The following PPFIBP2 variants were observed in gnomAD, a reference collection of about 807,000 sequenced individuals.
PPFIBP2 encodes the protein liprin-beta-2.
PPFIBP2 carries 118 observed loss-of-function variants against 118.3 expected under a neutral mutation model. The observed-to-expected ratio is 1.00, with a 90% CI of 0.86 to 1.16. The LOEUF is 1.16. PPFIBP2 is among the 50% of genes most tolerant of loss of function. PPFIBP2 has a pLI of 0.00. For synonymous variants in PPFIBP2, 414 were observed against 397.4 expected (o/e 1.04, Z -0.50); for missense variants, 1,195 against 1,073.1 (o/e 1.11, Z -1.59).
intron 2 of PPFIBP2, among the ~76,000 whole-genome samples, chr11:7,558,420 G>T (rs61890215): frequency 6.6e-6 from 1 of 152,170 alleles, no homozygotes; most frequent in African/African-American, 2.4e-5. Context: ...AACAACCCCA[G>T]TCACTACCAC....
chr11:7,655,453 C>T (rs985367268), downstream of PPFIBP2: 20 of 1,289,638 alleles, frequency 1.6e-5, no homozygotes, highest in African/African-American at 2.0e-4. Context: ...CGGAAGGTAC[C>T]GTGACGCAGA....
At chr11:7,615,583 C>G (rs1471501423) in intron 6 of PPFIBP2, among the ~76,000 whole-genome samples, 1 of 152,172 alleles carries the variant, frequency 6.6e-6, no homozygotes, top group Non-Finnish European at 1.5e-5. Flanking sequence ...TTGTTAGCTC[C>G]TAAATATCTC....
At chr11:7,521,180 A>G (rs550841424) in intron 1 of PPFIBP2, among the ~76,000 whole-genome samples, 116 of 152,246 alleles carry the variant, frequency 7.6e-4, no homozygotes, top group African/African-American at 2.6e-3. Flanking sequence ...ATATGTACAC[A>G]TTTATGCACA....
intron 17 of PPFIBP2, among the ~76,000 whole-genome samples, chr11:7,643,442 T>G (rs1852511763): frequency 6.6e-6 from 1 of 152,180 alleles, no homozygotes. Context: ...CTTTAGGGTA[T>G]GGGGTGACCA....
intron 2 of PPFIBP2, among the ~76,000 whole-genome samples, chr11:7,551,719 T>C (rs536878589): frequency 6.6e-6 from 1 of 152,378 alleles, no homozygotes; most frequent in African/African-American, 2.4e-5. Context: ...TTTTGAGAGA[T>C]GAATCAGACT....
chr11:7,604,600 A>AC (rs1346644853), intron 5 of PPFIBP2, among the ~76,000 whole-genome samples: 1 of 150,716 alleles, frequency 6.6e-6, no homozygotes, highest in East Asian at 1.9e-4. Flanking sequence ...ACACACACAC[A>AC]CCCCCACACC....
chr11:7,578,669 C>T (rs1415603374), intron 3 of PPFIBP2, among the ~76,000 whole-genome samples: 2 of 152,082 alleles, frequency 1.3e-5, no homozygotes, highest in Non-Finnish European at 2.9e-5. Context: ...AATAAGTGTG[C>T]CTGGAGGAAG....
At chr11:7,523,642 G>A (rs925303833) in intron 1 of PPFIBP2, among the ~76,000 whole-genome samples, 2 of 152,216 alleles carry the variant, frequency 1.3e-5, no homozygotes, top group African/African-American at 4.8e-5. Flanking sequence ...TTCTTAGGAA[G>A]TAGGTGGGTG....
intron 2 of PPFIBP2, among the ~76,000 whole-genome samples, chr11:7,551,022 C>T (rs1852915023): frequency 6.6e-6 from 1 of 151,940 alleles, no homozygotes; most frequent in East Asian, 1.9e-4. Context: ...TTAATAAACT[C>T]CCCTTTATAT....
intron 1 of PPFIBP2, among the ~76,000 whole-genome samples, chr11:7,519,635 T>C (rs1202158118): frequency 6.6e-6 from 1 of 151,756 alleles, no homozygotes; most frequent in African/African-American, 2.4e-5. Context: ...GGGCCGGGAG[T>C]TTCCCATAAT....
intron 1 of PPFIBP2, among the ~76,000 whole-genome samples, chr11:7,545,646 G>A (rs1371403282): frequency 6.6e-6 from 1 of 151,880 alleles, no homozygotes; most frequent in African/African-American, 2.4e-5. Context: ...CATTCACTGG[G>A]GCTCTTGGAG....
chr11:7,642,095 C>G, intron 16 of PPFIBP2: 1 of 568,850 alleles, frequency 1.8e-6, no homozygotes, highest in Non-Finnish European at 2.9e-6. Flanking sequence ...TGACCAAATC[C>G]CAGAGGCAGG....
intron 7 of PPFIBP2, among the ~76,000 whole-genome samples, chr11:7,623,599 G>A (rs1041280763): frequency 2.0e-5 from 3 of 152,226 alleles, no homozygotes; most frequent in Non-Finnish European, 4.4e-5. Context: ...CTCCCATAGA[G>A]GCAGGGCTCA....
chr11:7,534,198 A>G (rs1460663775), intron 1 of PPFIBP2, among the ~76,000 whole-genome samples: 1 of 152,164 alleles, frequency 6.6e-6, no homozygotes, highest in Non-Finnish European at 1.5e-5. Flanking sequence ...GGAAAGTAGA[A>G]TTCTCTGCCC....
At chr11:7,647,862 T>C (rs1369051728) in intron 17 of PPFIBP2, among the ~76,000 whole-genome samples, 1 of 152,244 alleles carries the variant, frequency 6.6e-6, no homozygotes, top group Non-Finnish European at 1.5e-5. Flanking sequence ...TTTTATTGAC[T>C]TTAATGTGAA....
chr11:7,533,640 T>C (rs1850952407), intron 1 of PPFIBP2, among the ~76,000 whole-genome samples: 1 of 152,002 alleles, frequency 6.6e-6, no homozygotes, highest in Admixed American at 6.6e-5. Context: ...TGAGGGGTAA[T>C]GGTGTTAGGA....
At chr11:7,636,625 A>C (rs1851489220) in intron 14 of PPFIBP2, among the ~76,000 whole-genome samples, 1 of 152,126 alleles carries the variant, frequency 6.6e-6, no homozygotes. Context: ...TCTAAAGCAC[A>C]CCTGTAAGTG....
downstream of PPFIBP2, among the ~76,000 whole-genome samples, chr11:7,654,877 G>C (rs529187383): frequency 6.6e-6 from 1 of 152,278 alleles, no homozygotes; most frequent in East Asian, 1.9e-4. Flanking sequence ...GGTTACACTT[G>C]GTGCCCTCCA....
At chr11:7,639,641 G>A in intron 14 of PPFIBP2, 91 bp from the exon 15 acceptor site, 1 of 1,547,144 alleles carries the variant, frequency 6.5e-7, no homozygotes, top group Non-Finnish European at 8.9e-7. Context: ...AATGGCTCTT[G>A]CAAAACAGGG....
Sources: allele counts gnomAD v4.1 joint callset (sites outside exome capture counted in the v4.1 genomes callset), GRCh38; gene constraint gnomAD v4.1.1; transcripts MANE v1.5; gene names NCBI Gene and HGNC (gene_info 2026-07-23, HGNC 2026-07-21).